Variants in FBN3 observed in about 807,000 individuals in gnomAD.
FBN3 encodes the protein fibrillin-3.
In FBN3, 234 loss-of-function variants were observed where a neutral mutation model predicts 330.1. That is an observed-to-expected ratio of 0.71 (90% CI 0.64 to 0.79). FBN3 has a LOEUF of 0.79. Among genes scored for constraint, FBN3 ranks in the 30% least tolerant of loss-of-function variants. The pLI is 0.00. For synonymous variants in FBN3, 1,458 were observed against 1,517.3 expected (o/e 0.96, Z 0.91); for missense variants, 3,606 against 3,886.9 (o/e 0.93, Z 1.92).
chr19:8,135,935 T>TGGA, intron 13 of FBN3, 26 bp downstream of exon 13: 1 of 1,344,156 alleles, frequency 7.4e-7, no homozygotes, highest in South Asian at 1.3e-5. Context: ...CGGAAGCCCC[T>TGGA]GCCCACCCGC....
chr19:8,119,007 G>A lies in FBN3; in HGVS notation c.3227C>T (p.Ala1076Val). ...TCCCCGGCAGAGCAGCGGGTCCCTT[G>A]CACACTCGTCCACGTCTGAAGGTTT... ...MKNCMDVDEC[A>V]RDPLLCRGGT... Residue 1076 changes from alanine (A) to valine (V), a missense_variant, in exon 26 of 64, where the codon GCA becomes GTA. Coordinates refer to ENST00000600128, the MANE Select transcript of FBN3 (RefSeq NM_032447.5). 1.2e-6 allele frequency: 2 copies of A among 1,604,588 alleles called. No individual in the cohort carries two copies. Among genetic ancestry groups the A allele is most frequent in the Non-Finnish European group, 1.7e-6 (2 of 1,172,486 alleles).
chr19:8,089,440 G>C (rs78484880), intron 51 of FBN3, 105 bp downstream of exon 51: 144,732 of 1,306,460 alleles, frequency 0.11, 8,544 homozygotes, highest in African/African-American at 0.16. Context: ...AGTGGTTAAG[G>C]ACAGGATCTC....
rs1378762935 is a variant in FBN3, at chr19:8,073,183, C to T, written c.7817G>A (p.Gly2606Glu). The T allele has an allele frequency of 2.5e-6, 4 of 1,613,882 alleles. No individual in the cohort carries two copies. Among genetic ancestry groups the T allele is most frequent in the Non-Finnish European group, 3.4e-6 (4 of 1,179,998 alleles). Residue 2606 changes from glycine (G) to glutamate (E), a missense_variant, in exon 62 of 64, where the codon GGG becomes GAG. Physicochemically the swap from Gly to Glu is moderately conservative, Grantham distance 98 (BLOSUM62 -2). Transcript: ENST00000600128. The stretch of plus-strand genomic sequence containing the variant: ...GCACTCATCCACCTCCTGGCAGCCC[C>T]CGAGGGCCTGATCAAAGTCAAAGCC... ...PSGFDFDQAL[G>E]GCQEVDECAG...
At chr19:8,114,237 TC>T (rs2082657613) in intron 30 of FBN3, among the ~76,000 whole-genome samples, 1 of 137,538 alleles carries the variant, frequency 7.3e-6, no homozygotes, top group Admixed American at 7.1e-5. Context: ...AGAATCAATT[TC>T]TTTTTAATTA....
rs868370400 is a variant in FBN3, at chr19:8,065,741, C to T, written c.*178G>A. Reference sequence around the variant, plus strand: ...AAAGACTGAGTAACTGGGGGGCCCCCGGGGCTGGCACAGAGGCCCAGGCAG... The same window carrying T: ...AAAGACTGAGTAACTGGGGGGCCCCTGGGGCTGGCACAGAGGCCCAGGCAG... On this transcript the variant is annotated 3_prime_UTR_variant, in exon 64 of 64. Transcript: ENST00000600128. 12 of 597,180 alleles carry T rather than the reference C, an allele frequency of 2.0e-5. No homozygotes were observed. In the East Asian group the frequency reaches 2.1e-4, roughly 10 times the overall value. The allele number at this position is 597,180 out of a possible 1,614,324, so 37.0% of individuals were successfully genotyped here.
At chr19:8,078,777 TTC>T (rs34147155) in intron 59 of FBN3, among the ~76,000 whole-genome samples, 125 of 144,246 alleles carry the variant, frequency 8.7e-4, no homozygotes, top group African/African-American at 1.0e-3. Flanking sequence ...TGTTCAAATG[TTC>T]TCTCTCTCTC....
At chr19:8,124,110 C>G (rs950778676) in intron 22 of FBN3, 102 bp from the exon 23 acceptor site, 1 of 1,034,456 alleles carries the variant, frequency 9.7e-7, no homozygotes, top group African/African-American at 1.6e-5. Flanking sequence ...TTCTCCCGGA[C>G]GTAGTCAGGT....
In FBN3 at chr19:8,141,626, C is replaced by T. The variant is rs1020068088; in HGVS notation, c.865+91G>A. On this transcript the variant is annotated intron_variant, in intron 8 of 63. Transcript: ENST00000600128. ...GGTCAGAACTGGGCACCTCACCAGC[C>T]TGACCCCTCTGCCTTCCTGCAGGGG... 2.5e-5 allele frequency: 37 copies of T among 1,462,898 alleles called. No homozygotes were observed. The Admixed American group carries it at 2.7e-4, about 11-fold the overall frequency. 90.6% of individuals were successfully genotyped at this position (1,462,898 alleles called of 1,614,324 possible).
intron 37 of FBN3, among the ~76,000 whole-genome samples, chr19:8,106,816 G>C (rs1232523952): frequency 6.6e-6 from 1 of 151,364 alleles, no homozygotes; most frequent in African/African-American, 2.4e-5. Flanking sequence ...AATAGAAAGG[G>C]AGTAGGGAAC....
In FBN3 at chr19:8,125,920, CA is replaced by C; in HGVS notation, c.2702del (p.Met901SerfsTer12). On this transcript the variant is annotated frameshift_variant, in exon 22 of 64. Transcript: ENST00000600128. LOFTEE classifies it high-confidence loss of function. Reference sequence around the variant, plus strand: ...CGCACAGCCGGCCTGAGGCGTCCAGCATCAGGCCCTCTGGACACTCACAGCG... The same window carrying C: ...CGCACAGCCGGCCTGAGGCGTCCAGCTCAGGCCCTCTGGACACTCACAGCG... The part of the protein sequence containing the change: ...SFRCECPEGL[M>X]LDASGRLCVD... 2 of 1,613,532 alleles carry C rather than the reference CA, an allele frequency of 1.2e-6. No individual in the cohort carries two copies. The highest frequency in any genetic ancestry group is 1.7e-6 in the Non-Finnish European group (2 of 1,179,972).
chr19:8,138,352 C>T (rs1339660412), intron 9 of FBN3, 29 bp from the exon 10 acceptor site: 2 of 1,611,034 alleles, frequency 1.2e-6, no homozygotes, highest in South Asian at 1.1e-5. Flanking sequence ...GAGGCCAGGC[C>T]CTTGGCCCTC....
intron 2 of FBN3, 32 bp downstream of exon 2, chr19:8,147,282 A>G (rs1827131566): frequency 5.7e-6 from 9 of 1,578,582 alleles, no homozygotes; most frequent in African/African-American, 1.3e-5. Flanking sequence ...TCCACACCGA[A>G]GGGGTCTCCC....
rs570891562 is a variant in FBN3 at position 8,094,306 on chromosome 19, ATAGTT to A, written c.5905+135_5905+139del. On this transcript the variant is annotated intron_variant, in intron 47 of 63. Transcript: ENST00000600128. ...TCCAGAAACAATCAGAATGACAATA[ATAGTT>A]TATGAAGCTGTGTTTGACGCTGCGT... 1,174 of 882,576 alleles carry A rather than the reference ATAGTT, an allele frequency of 1.3e-3. 17 individuals carry two copies. In the African/African-American group the frequency reaches 0.018, roughly 13 times the overall value. 54.7% of individuals were successfully genotyped at this position (882,576 alleles called of 1,614,324 possible).
Position 8,141,716 on chromosome 19 carries a change from C to T in FBN3, c.865+1G>A, listed in dbSNP as rs2083419421. The T allele has an allele frequency of 1.9e-6, 3 of 1,611,576 alleles. No individual in the cohort carries two copies. The highest frequency in any genetic ancestry group is 1.1e-5 in the South Asian group (1 of 90,758). On this transcript the variant is annotated splice_donor_variant, in intron 8 of 63. Transcript: ENST00000600128. LOFTEE classifies it high-confidence loss of function. ...CAGGTTGTCCCCCTCCAGTCACCCA[C>T]CTTCACATGCGGCGCTGCTGTCACT...
At chr19:8,073,994 G>A (rs548090427) in intron 61 of FBN3, among the ~76,000 whole-genome samples, 2 of 152,254 alleles carry the variant, frequency 1.3e-5, no homozygotes, top group African/African-American at 2.4e-5. Context: ...AAAATGTCTC[G>A]CAGACACTTC....
intron 59 of FBN3, among the ~76,000 whole-genome samples, chr19:8,079,604 G>C (rs926039005): frequency 6.6e-6 from 1 of 151,956 alleles, no homozygotes. Flanking sequence ...TTGTTTGTTT[G>C]TTTGTTTGTT....
chr19:8,088,307 A>G, intron 51 of FBN3, 128 bp from the exon 52 acceptor site: 2 of 1,163,908 alleles, frequency 1.7e-6, no homozygotes, highest in Middle Eastern at 3.0e-4. Flanking sequence ...TAGTCTGGCT[A>G]TGGGGCAGGC....
At chr19:8,090,788 C>G (rs536324637) in intron 48 of FBN3, among the ~76,000 whole-genome samples, 26 of 152,170 alleles carry the variant, frequency 1.7e-4, no homozygotes, top group African/African-American at 6.0e-4. Flanking sequence ...CTGGCCTGCC[C>G]TGGGGTTTTG....
rs772420891 is a variant in FBN3 at position 8,126,852 on chromosome 19, C to T, written c.2297-20G>A. Reference sequence around the variant, plus strand: ...CGACATCTGTGGGGACAGCCCCCCACCAGGTCCTGAGCTGCAGGAGGAGTT... The same window carrying T: ...CGACATCTGTGGGGACAGCCCCCCATCAGGTCCTGAGCTGCAGGAGGAGTT... On this transcript the variant is annotated intron_variant, in intron 18 of 63. Coordinates refer to ENST00000600128, the MANE Select transcript of FBN3 (RefSeq NM_032447.5). 1.8e-5 allele frequency: 28 copies of T among 1,532,296 alleles called. No homozygotes were observed. Among genetic ancestry groups the T allele is most frequent in the Middle Eastern group, 1.8e-4 (1 of 5,646 alleles). The allele number at this position is 1,532,296 out of a possible 1,614,324, so 94.9% of individuals were successfully genotyped here.
Sources: gnomAD v4.1 joint callset for allele counts (sites outside exome capture counted in the v4.1 genomes callset) on GRCh38, gnomAD v4.1.1 for gene constraint, MANE v1.5 for transcripts, NCBI Gene and HGNC (gene_info 2026-07-23, HGNC 2026-07-21) for gene names.